Variants in KCNK13 observed in about 807,000 individuals in gnomAD.
The protein encoded by KCNK13 is potassium channel subfamily K member 13.
Under a neutral mutation model 23.4 loss-of-function variants are expected in KCNK13, and 12 were observed. The ratio of observed to expected loss-of-function variants is 0.51; its 90% CI spans 0.33 to 0.83. KCNK13 has a LOEUF of 0.83. Among genes scored for constraint, KCNK13 ranks in the 40% least tolerant of loss-of-function variants. The pLI is 0.02. For missense variants in KCNK13, 463 were observed against 556.3 expected (o/e 0.83, Z 1.69); for synonymous variants, 231 against 229.5 (o/e 1.01, Z -0.06).
At position 90,062,650 on chromosome 14, in the gene KCNK13, A is replaced by T; in HGVS notation, c.334+111A>T. ...TTCATCCATCTGGGCGCCCAGCCAGACTCCACTGACATGAGCTGTCGCCTG... is the reference window on the plus strand; with the variant it reads ...TTCATCCATCTGGGCGCCCAGCCAGTCTCCACTGACATGAGCTGTCGCCTG... On this transcript the variant is annotated intron_variant, in intron 1 of 1. Coordinates refer to ENST00000282146, the MANE Select transcript of KCNK13 (RefSeq NM_022054.4). This position sits in a 1 kb window ranked among gnomAD's most constrained non-coding sequence, Gnocchi z 4.5. 2 of 792,934 alleles carry T rather than the reference A, an allele frequency of 2.5e-6. No individual in the cohort carries two copies. The highest frequency in any genetic ancestry group is 3.8e-6 in the Non-Finnish European group (2 of 522,600). 49.1% of individuals were successfully genotyped at this position (792,934 alleles called of 1,614,324 possible).
chr14:90,117,792 C>T (rs1256420326), intron 1 of KCNK13, among the ~76,000 whole-genome samples: 1 of 152,056 alleles, frequency 6.6e-6, no homozygotes. Context: ...TTTTATTGCC[C>T]CCAGTGAAAA....
At chr14:90,139,860 G>T (rs1444398642) in intron 1 of KCNK13, among the ~76,000 whole-genome samples, 1 of 152,166 alleles carries the variant, frequency 6.6e-6, no homozygotes, top group Non-Finnish European at 1.5e-5. Context: ...TACTCGGGAG[G>T]CTGAACCATG....
rs545643016 is a variant in KCNK13, at chr14:90,128,488, C to A, written c.335-55623C>A. Among the ~76,000 whole-genome samples, 5 of 152,290 alleles carry A rather than the reference C, an allele frequency of 3.3e-5. No individual in the cohort carries two copies. In the South Asian group the frequency reaches 1.0e-3, roughly 32 times the overall value. ...TGCACTGACTTCTCACTGTGTGGCA[C>A]GTGTGGGCTCTCAAGTGATGGGTGA... is the stretch of plus-strand genomic sequence containing the variant. On this transcript the variant is annotated intron_variant, in intron 1 of 1. Transcript: ENST00000282146.
chr14:90,128,171 A>G (rs1029903705), intron 1 of KCNK13, among the ~76,000 whole-genome samples: 1 of 152,216 alleles, frequency 6.6e-6, no homozygotes, highest in Admixed American at 6.5e-5. Flanking sequence ...CACTGGATCA[A>G]TGGTGCAAAC....
At chr14:90,159,975 G>GCA (rs1890235855) in intron 1 of KCNK13, among the ~76,000 whole-genome samples, 2 of 148,134 alleles carry the variant, frequency 1.4e-5, no homozygotes, top group Admixed American at 6.7e-5. Flanking sequence ...GTGTGTGTGT[G>GCA]CACATGCATG....
At chr14:90,158,303 C>T (rs578174879) in intron 1 of KCNK13, among the ~76,000 whole-genome samples, 1 of 152,182 alleles carries the variant, frequency 6.6e-6, no homozygotes, top group Non-Finnish European at 1.5e-5. Context: ...GAAATGTCCC[C>T]GCACCCATGC....
chr14:90,128,305 G>C (rs560827518), intron 1 of KCNK13, among the ~76,000 whole-genome samples: 2 of 152,216 alleles, frequency 1.3e-5, no homozygotes, highest in South Asian at 4.1e-4. Context: ...GGATTCACTT[G>C]GTGTTTAAAA....
At chr14:90,104,679 G>A (rs142375275) in intron 1 of KCNK13, among the ~76,000 whole-genome samples, 16 of 150,892 alleles carry the variant, frequency 1.1e-4, no homozygotes, top group Middle Eastern at 3.4e-3. Context: ...AAGCCCAAGG[G>A]AGACGCCATC....
chr14:90,080,685 C>CT (rs1889198246), intron 1 of KCNK13, among the ~76,000 whole-genome samples: 2 of 152,194 alleles, frequency 1.3e-5, no homozygotes, highest in African/African-American at 4.8e-5. Flanking sequence ...TCTCTTTCTT[C>CT]TTTGTATCCC....
chr14:90,176,425 C>G (rs1890422513), intron 1 of KCNK13, among the ~76,000 whole-genome samples: 1 of 152,160 alleles, frequency 6.6e-6, no homozygotes, highest in Admixed American at 6.5e-5. Context: ...TCCCATCCCC[C>G]ACCTCACCCC....
At chr14:90,089,078 G>A (rs1475573526) in intron 1 of KCNK13, among the ~76,000 whole-genome samples, 1 of 152,150 alleles carries the variant, frequency 6.6e-6, no homozygotes, top group Non-Finnish European at 1.5e-5. Flanking sequence ...AGTAGAGTGG[G>A]GCATTGCTGA....
intron 1 of KCNK13, among the ~76,000 whole-genome samples, chr14:90,075,123 AT>A (rs1889119956): frequency 6.6e-6 from 1 of 151,716 alleles, no homozygotes; most frequent in South Asian, 2.1e-4. Flanking sequence ...TATTTTTCTT[AT>A]TTTTTAAGTC....
chr14:90,064,185 A>C (rs1888980010), intron 1 of KCNK13, among the ~76,000 whole-genome samples: 1 of 152,238 alleles, frequency 6.6e-6, no homozygotes, highest in Non-Finnish European at 1.5e-5. Context: ...CAAACTGATT[A>C]GGAGGTGTCA....
At chr14:90,107,620 C>G (rs1478638967) in intron 1 of KCNK13, 1 of 574,492 alleles carries the variant, frequency 1.7e-6, no homozygotes, top group Non-Finnish European at 3.2e-6. Context: ...TGGCTCAATA[C>G]TCATGCAATA....
chr14:90,083,562 T>G (rs1224303066), intron 1 of KCNK13, among the ~76,000 whole-genome samples: 1 of 152,154 alleles, frequency 6.6e-6, no homozygotes, highest in East Asian at 1.9e-4. Flanking sequence ...AAGAGGTGAT[T>G]AGGTGATGAG....
intron 1 of KCNK13, among the ~76,000 whole-genome samples, chr14:90,128,739 G>C (rs12894519): frequency 6.6e-6 from 1 of 152,118 alleles, no homozygotes; most frequent in Non-Finnish European, 1.5e-5. Context: ...TTCCTGAGCA[G>C]CATTCTCCGA....
rs538034604 is a variant in KCNK13 at position 90,138,687 on chromosome 14, G to A, written c.335-45424G>A. ...CTGAGATCTCAAAAATGCCATGTAC[G>A]GCTGTGTGATGTGTGCACTGCACAA... On this transcript the variant is annotated intron_variant, in intron 1 of 1. Coordinates refer to ENST00000282146, the MANE Select transcript of KCNK13 (RefSeq NM_022054.4). 1.6e-4 allele frequency among the ~76,000 whole-genome samples: 25 copies of A among 152,330 alleles called. No homozygotes were observed. In the South Asian group the frequency reaches 3.1e-3, roughly 19 times the overall value.
At chr14:90,180,651 A>C (rs1890474181) in intron 1 of KCNK13, among the ~76,000 whole-genome samples, 1 of 152,250 alleles carries the variant, frequency 6.6e-6, no homozygotes, top group Non-Finnish European at 1.5e-5. Context: ...CAAAAAAATA[A>C]GATAGAATCT....
At chr14:90,175,700 A>G (rs1890415111) in intron 1 of KCNK13, among the ~76,000 whole-genome samples, 1 of 152,190 alleles carries the variant, frequency 6.6e-6, no homozygotes, top group South Asian at 2.1e-4. Context: ...AAACCTCCCC[A>G]AGTGAGTGGT....
Sources: gnomAD v4.1 joint callset for allele counts (sites outside exome capture counted in the v4.1 genomes callset) on GRCh38, gnomAD v4.1.1 for gene constraint, Gnocchi (gnomAD v3.1) non-coding constraint, MANE v1.5 for transcripts, NCBI Gene and HGNC (gene_info 2026-07-23, HGNC 2026-07-21) for gene names.